The following PCYOX1 variants were observed in gnomAD, a reference collection of about 807,000 sequenced individuals.
PCYOX1 encodes prenylcysteine oxidase 1.
A neutral mutation model predicts 46.4 loss-of-function variants in PCYOX1; 46 were observed. The ratio of observed to expected loss-of-function variants is 0.99; its 90% CI spans 0.78 to 1.27. PCYOX1 has a LOEUF of 1.27. Ranked by LOEUF, PCYOX1 falls within the 50% of genes most tolerant of loss-of-function variation. PCYOX1 has a pLI of 0.00. For synonymous variants in PCYOX1, 220 were observed against 231.8 expected (o/e 0.95, Z 0.46); for missense variants, 658 against 628.3 (o/e 1.05, Z -0.51).
upstream of PCYOX1, chr2:70,258,007 G>A: frequency 1.9e-6 from 1 of 513,960 alleles, no homozygotes; most frequent in Non-Finnish European, 3.3e-6. Context: ...GCAGGGTTGA[G>A]AGGACCGGCG....
chr2:70,273,367 T>C (rs146036169), intron 3 of PCYOX1, among the ~76,000 whole-genome samples: 26 of 152,306 alleles, frequency 1.7e-4, no homozygotes, highest in African/African-American at 5.8e-4. Flanking sequence ...AGTTTTGGCA[T>C]AGATATCGAA....
In PCYOX1 at chr2:70,278,213, C is replaced by CA. The variant is rs1227680112; in HGVS notation, c.*822dup. Reference sequence around the variant, plus strand: ...AACTGGCATTCTAGTATTAAATCCTCACTTCAGGAGCTTTTAAAAATACTG... The same window carrying CA: ...AACTGGCATTCTAGTATTAAATCCTCAACTTCAGGAGCTTTTAAAAATACTG... On this transcript the variant is annotated 3_prime_UTR_variant, in exon 6 of 6. Coordinates refer to ENST00000433351, the MANE Select transcript of PCYOX1 (RefSeq NM_016297.4). 1 of 152,630 alleles carries CA rather than the reference C, an allele frequency of 6.6e-6. No individual in the cohort carries two copies. The highest frequency in any genetic ancestry group is 1.5e-5 in the Non-Finnish European group (1 of 68,036). 9.5% of individuals were successfully genotyped at this position (152,630 alleles called of 1,614,324 possible).
rs1341475107 is a variant in PCYOX1, at chr2:70,277,070, CA to C, written c.1197del (p.Asp400MetfsTer20). Reference protein sequence around the residue: ...VREKEDPEPSTDGTYVWKIFS... With the variant: ...VREKEDPEPSXDGTYVWKIFS... ...GAAAAGGAAGATCCTGAGCCATCAA[CA>C]GATGGAACATATGTTTGGAAGATCT... On this transcript the variant is annotated frameshift_variant, in exon 6 of 6. Transcript: ENST00000433351. LOFTEE classifies it high-confidence loss of function. 19 of 1,612,590 alleles carry C rather than the reference CA, an allele frequency of 1.2e-5. No homozygotes were observed. The highest frequency in any genetic ancestry group is 1.5e-5 in the Non-Finnish European group (18 of 1,178,582).
At chr2:70,258,349 C>T in intron 1 of PCYOX1, 73 bp downstream of exon 1, 2 of 943,448 alleles carry the variant, frequency 2.1e-6, no homozygotes, top group South Asian at 3.5e-5. Flanking sequence ...CGCAGTGCGC[C>T]CAGATCCCAC....
chr2:70,259,056 G>A (rs1322718688), intron 1 of PCYOX1, among the ~76,000 whole-genome samples: 1 of 152,190 alleles, frequency 6.6e-6, no homozygotes, highest in Non-Finnish European at 1.5e-5. Flanking sequence ...CCCGTGAGTT[G>A]GGCATCTGGA....
chr2:70,274,981 G>A lies in PCYOX1; in HGVS notation c.517G>A (p.Asp173Asn). 6.2e-7 allele frequency: 1 copy of A among 1,608,826 alleles called. No homozygotes were observed. Among genetic ancestry groups the A allele is most frequent in the African/African-American group, 1.3e-5 (1 of 74,944 alleles). ...FMRIYRYQSHDYAFSSVEKLL... is the reference protein window; with the variant it reads ...FMRIYRYQSHNYAFSSVEKLL... ...AAGGATCTACCGCTACCAGTCTCAT[G>A]ACTATGCCTTCAGTAGTGTCGAAAA... Residue 173 changes from aspartate (D) to asparagine (N), a missense_variant, in exon 4 of 6, where the codon GAC becomes AAC. Physicochemically the swap from Asp to Asn is conservative, Grantham distance 23. Coordinates refer to ENST00000433351, the MANE Select transcript of PCYOX1 (RefSeq NM_016297.4).
At chr2:70,269,830 C>T (rs951493088) in intron 3 of PCYOX1, among the ~76,000 whole-genome samples, 5 of 152,164 alleles carry the variant, frequency 3.3e-5, no homozygotes, top group South Asian at 2.1e-4. Flanking sequence ...AGAGCTTTTT[C>T]GGAGCTGCCA....
At position 70,276,952 on chromosome 2, in the gene PCYOX1, A is replaced by G; in HGVS notation, c.1078A>G (p.Arg360Gly). ...GELNTSIFSS[R>G]PIDKFGLNTV... is the part of the protein sequence containing the mutation. ...ATTGAATACATCTATCTTTAGCTCT[A>G]GACCCATAGATAAATTTGGCCTTAA... The change falls in exon 6 of 6, where the codon AGA (arginine) becomes GGA (glycine). Residue 360 changes from arginine to glycine, a missense_variant. By Grantham distance (125) the Arg-to-Gly change is moderately radical. Transcript: ENST00000433351. The G allele has an allele frequency of 6.2e-7, 1 of 1,612,708 alleles. No individual in the cohort carries two copies.
chr2:70,277,242 C>A lies in PCYOX1; in HGVS notation c.1368C>A (p.Tyr456Ter). 6.2e-7 allele frequency: 1 copy of A among 1,614,172 alleles called. No individual in the cohort carries two copies. Among genetic ancestry groups the A allele is most frequent in the Non-Finnish European group, 8.5e-7 (1 of 1,180,034 alleles). Residue 456 changes from tyrosine to a stop codon, truncating the protein, a stop_gained, in exon 6 of 6, where the codon TAC (tyrosine) becomes TAA (stop). Coordinates refer to ENST00000433351, the MANE Select transcript of PCYOX1 (RefSeq NM_016297.4). LOFTEE classifies it high-confidence loss of function. ...PSIILHDRLYYLNGIECAASA... is the reference protein window; with the variant it reads ...PSIILHDRLY ...TCATTCTCCATGATCGACTTTATTA[C>A]CTCAATGGCATAGAGTGTGCAGCAA...
intron 3 of PCYOX1, among the ~76,000 whole-genome samples, chr2:70,266,259 A>T (rs927123930): frequency 3.9e-5 from 6 of 151,920 alleles, no homozygotes; most frequent in African/African-American, 1.4e-4. Flanking sequence ...GTAGTAGGAG[A>T]TGTGATGATG....
chr2:70,276,310 T>C (rs1430934548), intron 5 of PCYOX1, among the ~76,000 whole-genome samples: 2 of 151,454 alleles, frequency 1.3e-5, no homozygotes, highest in Admixed American at 1.3e-4. Context: ...GCTGGGACTA[T>C]AGGCGCCTGC....
At chr2:70,265,381 G>A (rs1195608806) in intron 3 of PCYOX1, among the ~76,000 whole-genome samples, 2 of 151,946 alleles carry the variant, frequency 1.3e-5, no homozygotes, top group African/African-American at 4.8e-5. Context: ...TGTAGAGACA[G>A]GGTGTTGCCA....
At position 70,276,940 on chromosome 2, in the gene PCYOX1, ATCTT is replaced by A. The variant is rs1367380244; in HGVS notation, c.1068_1071del (p.Phe357AlafsTer5). On this transcript the variant is annotated frameshift_variant, in exon 6 of 6. Transcript: ENST00000433351. LOFTEE classifies it high-confidence loss of function. ...AGTTAAGGGGGAATTGAATACATCT[ATCTT>A]TAGCTCTAGACCCATAGATAAATTT... 6.2e-7 allele frequency: 1 copy of A among 1,612,294 alleles called. No individual in the cohort carries two copies. The highest frequency in any genetic ancestry group is 8.5e-7 in the Non-Finnish European group (1 of 1,178,308).
chr2:70,259,298 C>T (rs1035333658), intron 1 of PCYOX1, 62 bp from the exon 2 acceptor site: 4 of 1,478,176 alleles, frequency 2.7e-6, no homozygotes, highest in Admixed American at 1.7e-5. Context: ...CTTTCAAAAA[C>T]AAAACAACTC....
At chr2:70,263,412 A>G (rs994126640) in intron 3 of PCYOX1, among the ~76,000 whole-genome samples, 2 of 152,122 alleles carry the variant, frequency 1.3e-5, no homozygotes, top group Middle Eastern at 3.2e-3. Flanking sequence ...CATTCACCCA[A>G]TATTGAATAC....
chr2:70,271,159 C>T lies in PCYOX1; in HGVS notation c.495-3800C>T, dbSNP rs549084834. 1.0e-3 allele frequency among the ~76,000 whole-genome samples: 152 copies of T among 151,860 alleles called. 1 individual carries two copies. Among genetic ancestry groups the T allele is most frequent in the Non-Finnish European group, 2.0e-3 (134 of 67,972 alleles). ...CACAGCTCACTGCAGCCTCAACCAG[C>T]GGGGCTGAAGTGATCCTCATGCCTC... On this transcript the variant is annotated intron_variant, in intron 3 of 5. Transcript: ENST00000433351.
chr2:70,265,359 T>A (rs1696499084), intron 3 of PCYOX1, among the ~76,000 whole-genome samples: 1 of 152,000 alleles, frequency 6.6e-6, no homozygotes, highest in African/African-American at 2.4e-5. Context: ...CTTGGCTAAT[T>A]TTTTAAATTT....
intron 3 of PCYOX1, among the ~76,000 whole-genome samples, chr2:70,263,737 G>A (rs991597941): frequency 6.6e-5 from 10 of 151,310 alleles, no homozygotes; most frequent in African/African-American, 2.2e-4. Context: ...TCGGCTTACT[G>A]CAACATCTGC....
intron 3 of PCYOX1, among the ~76,000 whole-genome samples, chr2:70,267,788 A>G (rs568387328): frequency 3.4e-3 from 293 of 86,776 alleles, no homozygotes; most frequent in Non-Finnish European, 5.1e-3. Context: ...GGAGAGGGAG[A>G]GGGGGAGGGG....
Sources: allele counts gnomAD v4.1 joint callset (sites outside exome capture counted in the v4.1 genomes callset), GRCh38; gene constraint gnomAD v4.1.1; transcripts MANE v1.5; gene names NCBI Gene and HGNC (gene_info 2026-07-23, HGNC 2026-07-21).